The following CLPTM1L variants were observed in gnomAD, a reference collection of about 807,000 sequenced individuals.
CLPTM1L encodes lipid scramblase CLPTM1L.
CLPTM1L carries 38 observed loss-of-function variants against 70.9 expected under a neutral mutation model. The observed-to-expected ratio is 0.54, with a 90% CI of 0.41 to 0.70. CLPTM1L has a LOEUF of 0.70. Ranked by LOEUF, CLPTM1L falls within the 30% of genes least tolerant of loss-of-function variation. The pLI is 0.00. For missense variants in CLPTM1L, 652 were observed against 705.9 expected (o/e 0.92, Z 0.87); for synonymous variants, 339 against 299.9 (o/e 1.13, Z -1.35).
At position 1,333,202 on chromosome 5, in the gene CLPTM1L, G is replaced by A. The variant is rs1237455689; in HGVS notation, c.891+1087C>T. On this transcript the variant is annotated intron_variant, in intron 7 of 16. Transcript: ENST00000320895. ...GTATACACACCGGATGAGGATAAGGGGGGACTACTGTAGACACACCGGATA... is the reference window on the plus strand; with the variant it reads ...GTATACACACCGGATGAGGATAAGGAGGGACTACTGTAGACACACCGGATA... 9.6e-5 allele frequency among the ~76,000 whole-genome samples: 4 copies of A among 41,714 alleles called. 1 individual carries two copies. The highest frequency in any genetic ancestry group is 2.1e-4 in the African/African-American group (1 of 4,788). The allele number at this position is 41,714 out of a possible 152,430, so 27.4% of individuals were successfully genotyped here.
chr5:1,338,059 G>A, intron 4 of CLPTM1L, 77 bp from the exon 5 acceptor site: 1 of 1,239,946 alleles, frequency 8.1e-7, no homozygotes, highest in Non-Finnish European at 1.2e-6. Flanking sequence ...CCAGACACTG[G>A]GTTTACCCCA....
intron 2 of CLPTM1L, among the ~76,000 whole-genome samples, chr5:1,343,235 A>C (rs1754059279): frequency 6.6e-6 from 1 of 152,166 alleles, no homozygotes. Context: ...TGAAAAACAC[A>C]AAGGCATCTA....
At chr5:1,319,483 T>C (rs1419784639) in intron 16 of CLPTM1L, among the ~76,000 whole-genome samples, 1 of 152,180 alleles carries the variant, frequency 6.6e-6, no homozygotes, top group African/African-American at 2.4e-5. Flanking sequence ...AGCCTCATGC[T>C]GGCTGGGACA....
Position 1,324,799 on chromosome 5 carries a change from G to A in CLPTM1L, c.1161C>T (p.Ser387=), listed in dbSNP as rs762880954. The change falls in exon 11 of 17, where the codon AGC becomes AGT. Residue 387 remains serine, a synonymous_variant. Coordinates refer to ENST00000320895, the MANE Select transcript of CLPTM1L (RefSeq NM_030782.5). ...LMPEFQFGTY[S]ESERKTEEYD... is the part of the protein sequence containing the mutation. The stretch of plus-strand genomic sequence containing the variant: ...ACTCCTCGGTTTTCCTCTCAGATTC[G>A]CTGTAAGTGCCAAACTGTTGTGAAA... The A allele has an allele frequency of 2.5e-6, 4 of 1,613,832 alleles. No homozygotes were observed. Among genetic ancestry groups the A allele is most frequent in the African/African-American group, 1.3e-5 (1 of 74,922 alleles).
intron 3 of CLPTM1L, among the ~76,000 whole-genome samples, chr5:1,340,986 G>A (rs31487): frequency 9.2e-5 from 14 of 151,884 alleles, no homozygotes; most frequent in African/African-American, 3.1e-4. Flanking sequence ...GGCTAGTCTC[G>A]AACTCCTGAC....
At chr5:1,325,686 G>A (rs1033220847) in intron 10 of CLPTM1L, 65 bp downstream of exon 10, 1 of 1,400,352 alleles carries the variant, frequency 7.1e-7, no homozygotes, top group Non-Finnish European at 1.0e-6. Flanking sequence ...CTTACTCTTT[G>A]CACAGGGGGC....
At chr5:1,333,895 G>C (rs932597719) in intron 7 of CLPTM1L, among the ~76,000 whole-genome samples, 1 of 152,104 alleles carries the variant, frequency 6.6e-6, no homozygotes, top group African/African-American at 2.4e-5. Context: ...CTTTCTGCTA[G>C]AGGCTGCCCA....
chr5:1,324,691 C>T (rs1356785883), intron 11 of CLPTM1L, 72 bp downstream of exon 11: 5 of 1,369,488 alleles, frequency 3.7e-6, no homozygotes, highest in Non-Finnish European at 5.2e-6. Context: ...TGAGCAATGA[C>T]AGTAAAAGAC....
At chr5:1,340,404 G>A (rs1753866122) in intron 3 of CLPTM1L, among the ~76,000 whole-genome samples, 1 of 152,240 alleles carries the variant, frequency 6.6e-6, no homozygotes, top group African/African-American at 2.4e-5. Context: ...GCTCGGCTCA[G>A]ATCTGATACA....
intron 6 of CLPTM1L, 34 bp downstream of exon 6, chr5:1,335,023 C>T (rs777399989): frequency 4.4e-5 from 69 of 1,570,278 alleles, no homozygotes; most frequent in Non-Finnish European, 6.0e-5. Context: ...TCCAGGGCGG[C>T]CTCACCCAGG....
chr5:1,336,710 G>A (rs1309914076), intron 5 of CLPTM1L, among the ~76,000 whole-genome samples: 1 of 152,250 alleles, frequency 6.6e-6, no homozygotes, highest in Non-Finnish European at 1.5e-5. Flanking sequence ...CTCAGGGATA[G>A]GCTGCAGCGC....
Position 1,342,487 on chromosome 5 carries a change from G to A in CLPTM1L, c.264-627C>T, listed in dbSNP as rs959154155. The stretch of plus-strand genomic sequence containing the variant: ...TACAACTGTAGGCCTCGGACCAGGT[G>A]CCTGGCTCTTCACCCGCACACCAGG... On this transcript the variant is annotated intron_variant, in intron 2 of 16. Coordinates refer to ENST00000320895, the MANE Select transcript of CLPTM1L (RefSeq NM_030782.5). The surrounding 1 kb of genome is among the most constrained non-coding windows in gnomAD (Gnocchi z 4.3). Among the ~76,000 whole-genome samples, 2 of 152,218 alleles carry A rather than the reference G, an allele frequency of 1.3e-5. No homozygotes were observed. The highest frequency in any genetic ancestry group is 4.8e-5 in the African/African-American group (2 of 41,460).
Position 1,334,313 on chromosome 5 carries a change from C to G in CLPTM1L, c.867G>C (p.Leu289=), listed in dbSNP as rs1206586460. 6.2e-7 allele frequency: 1 copy of G among 1,613,834 alleles called. No individual in the cohort carries two copies. The highest frequency in any genetic ancestry group is 8.5e-7 in the Non-Finnish European group (1 of 1,179,800). ...CATGGAACGCTGCGACAAAGAAGGT[C>G]AGCGCCAGGAAGTATAAGTTGGTAT... ...FVDTNLYFLA[L]TFFVAAFHLL... Residue 289 remains leucine (L), a synonymous_variant, in exon 7 of 17, where the codon CTG becomes CTC. Transcript: ENST00000320895.
chr5:1,325,872 A>G, intron 9 of CLPTM1L, 56 bp from the exon 10 acceptor site: 2 of 1,483,302 alleles, frequency 1.3e-6, no homozygotes, highest in Non-Finnish European at 9.4e-7. Flanking sequence ...AGGAGCCACG[A>G]ATGAACGACC....
chr5:1,334,513 G>A (rs1324385490), intron 6 of CLPTM1L, 130 bp from the exon 7 acceptor site: 13 of 619,782 alleles, frequency 2.1e-5, no homozygotes, highest in Non-Finnish European at 3.7e-5. Context: ...CAGCACTTTG[G>A]GAATCTCAGG....
At position 1,344,332 on chromosome 5, in the gene CLPTM1L, T is replaced by C; in HGVS notation, c.263+19A>G. 6.5e-7 allele frequency: 1 copy of C among 1,530,262 alleles called. No homozygotes were observed. Among genetic ancestry groups the C allele is most frequent in the Non-Finnish European group, 9.1e-7 (1 of 1,103,408 alleles). 94.8% of individuals were successfully genotyped at this position (1,530,262 alleles called of 1,614,324 possible). On this transcript the variant is annotated intron_variant, in intron 2 of 16. Transcript: ENST00000320895. ...AGTAATGTTTTCCCTTTCACTGGCA[T>C]TTTGTCCTACGCCCATACCTTTCAA...
chr5:1,319,695 G>GT (rs1446635413), intron 16 of CLPTM1L, among the ~76,000 whole-genome samples: 1 of 152,234 alleles, frequency 6.6e-6, no homozygotes, highest in Non-Finnish European at 1.5e-5. Context: ...GGTGTGTGAG[G>GT]TGGCCTCCTG....
intron 13 of CLPTM1L, among the ~76,000 whole-genome samples, chr5:1,322,029 T>C (rs567815224): frequency 5.8e-4 from 89 of 152,312 alleles, no homozygotes; most frequent in African/African-American, 2.1e-3. Flanking sequence ...TACGACAACT[T>C]TGGAGAGCAA....
rs760820822 is a variant in CLPTM1L at position 1,335,112 on chromosome 5, C to T, written c.741G>A (p.Gly247=). 4 of 1,613,588 alleles carry T rather than the reference C, an allele frequency of 2.5e-6. No individual in the cohort carries two copies. The highest frequency in any genetic ancestry group is 2.7e-5 in the African/African-American group (2 of 74,948). The change falls in exon 6 of 17, where the codon GGG becomes GGA. Residue 247 remains glycine (G), a synonymous_variant. Coordinates refer to ENST00000320895, the MANE Select transcript of CLPTM1L (RefSeq NM_030782.5). ...GCATGTGGATCCAGAAGCGCAGCCG[C>T]CCCAGTGAGACCTTGTCGTAGGACA... ...LTVSYDKVSL[G]RLRFWIHMQD...
Sources: gnomAD v4.1 joint callset for allele counts (sites outside exome capture counted in the v4.1 genomes callset) on GRCh38, gnomAD v4.1.1 for gene constraint, Gnocchi (gnomAD v3.1) non-coding constraint, MANE v1.5 for transcripts, NCBI Gene and HGNC (gene_info 2026-07-23, HGNC 2026-07-21) for gene names.